Variants in ROBO2 observed in about 807,000 individuals in gnomAD.
The protein encoded by ROBO2 is roundabout guidance receptor 2.
In ROBO2, 53 loss-of-function variants were observed where a neutral mutation model predicts 160.8. The observed-to-expected ratio is 0.33, with a 90% CI of 0.26 to 0.41. The LOEUF (loss-of-function observed/expected upper bound fraction) is 0.41. ROBO2 is among the 10% of genes least tolerant of loss of function. The pLI is 1.00. For synonymous variants in ROBO2, 664 were observed against 611.7 expected, an observed-to-expected ratio of 1.09 and a Z score of -1.26; for missense variants, 1,577 against 1,722.4, an observed-to-expected ratio of 0.92 and a Z score of 1.49.
At chr3:77,289,591 A>C (rs1487851653) in intron 2 of ROBO2, among the ~76,000 whole-genome samples, 1 of 150,948 alleles carries the variant, frequency 6.6e-6, no homozygotes, top group Non-Finnish European at 1.5e-5. Context: ...TAGATCACCA[A>C]AGACATAAAG....
chr3:76,858,797 T>C (rs2070422801), intron 2 of ROBO2, among the ~76,000 whole-genome samples: 1 of 152,084 alleles, frequency 6.6e-6, no homozygotes, highest in South Asian at 2.1e-4. Flanking sequence ...ATAGTTCAGG[T>C]GTAGGGTGAG....
intron 2 of ROBO2, among the ~76,000 whole-genome samples, chr3:76,978,072 T>TATG (rs1392621120): frequency 2.0e-5 from 3 of 152,222 alleles, no homozygotes; most frequent in African/African-American, 4.8e-5. Context: ...CTGCATTATA[T>TATG]ATGTCCCTGA....
At chr3:76,353,360 G>T (rs1302834281) in intron 2 of ROBO2, among the ~76,000 whole-genome samples, 2 of 151,892 alleles carry the variant, frequency 1.3e-5, no homozygotes, top group African/African-American at 4.8e-5. Context: ...AATAACGAAG[G>T]AGAAACTTGA....
chr3:77,146,825 G>A (rs2077155331), intron 2 of ROBO2, among the ~76,000 whole-genome samples: 1 of 152,116 alleles, frequency 6.6e-6, no homozygotes, highest in African/African-American at 2.4e-5. Flanking sequence ...AAAATTAGCC[G>A]GGTGTGGTGG....
intron 2 of ROBO2, among the ~76,000 whole-genome samples, chr3:76,995,227 G>T (rs1198125152): frequency 6.6e-6 from 1 of 150,712 alleles, no homozygotes; most frequent in Non-Finnish European, 1.5e-5. Flanking sequence ...GTGATAGTTT[G>T]CTGAGAATGA....
At chr3:76,820,425 A>G (rs1197706110) in intron 2 of ROBO2, among the ~76,000 whole-genome samples, 1 of 152,054 alleles carries the variant, frequency 6.6e-6, no homozygotes, top group Non-Finnish European at 1.5e-5. Flanking sequence ...TTGTTCTCCT[A>G]TAAATTGCAT....
chr3:76,458,823 G>A (rs538676917), intron 2 of ROBO2, among the ~76,000 whole-genome samples: 1 of 152,264 alleles, frequency 6.6e-6, no homozygotes, highest in South Asian at 2.1e-4. Flanking sequence ...CAGATCTCAT[G>A]AGACTTATTC....
chr3:77,527,926 T>C (rs2091320146), intron 6 of ROBO2, among the ~76,000 whole-genome samples: 1 of 151,596 alleles, frequency 6.6e-6, no homozygotes, highest in Non-Finnish European at 1.5e-5. Context: ...TTAAGTAAAA[T>C]GTTTTAAGTA....
At chr3:76,811,740 T>G (rs1480756015) in intron 2 of ROBO2, among the ~76,000 whole-genome samples, 1 of 152,012 alleles carries the variant, frequency 6.6e-6, no homozygotes, top group African/African-American at 2.4e-5. Flanking sequence ...AGACTGCTTG[T>G]CTGGCTTTTT....
chr3:76,523,627 C>T (rs1311374190), intron 2 of ROBO2, among the ~76,000 whole-genome samples: 1 of 152,082 alleles, frequency 6.6e-6, no homozygotes, highest in African/African-American at 2.4e-5. Flanking sequence ...GTACAGCTTC[C>T]ACATTCTCTC....
upstream of ROBO2, among the ~76,000 whole-genome samples, chr3:77,035,594 T>A (rs2063585142): frequency 6.6e-6 from 1 of 151,924 alleles, no homozygotes; most frequent in African/African-American, 2.4e-5. Flanking sequence ...ATACCAAAAA[T>A]GCTATTCATA....
intron 1 of ROBO2, among the ~76,000 whole-genome samples, chr3:77,065,834 T>C (rs75287132): frequency 2.9e-3 from 440 of 152,252 alleles, no homozygotes; most frequent in African/African-American, 0.01. Context: ...GAGTTCAAAT[T>C]AAGCCTCAGT....
chr3:77,070,216 G>A (rs555808768), intron 1 of ROBO2, among the ~76,000 whole-genome samples: 2 of 152,148 alleles, frequency 1.3e-5, no homozygotes, highest in African/African-American at 2.4e-5. Context: ...TTTGGACTTC[G>A]TAGCCTCCAG....
intron 2 of ROBO2, among the ~76,000 whole-genome samples, chr3:76,675,464 A>G (rs2092383670): frequency 6.6e-6 from 1 of 152,178 alleles, no homozygotes; most frequent in African/African-American, 2.4e-5. Context: ...ACAAATGCAT[A>G]TGGCATTTTA....
At chr3:77,126,991 A>T (rs923470845) in intron 2 of ROBO2, among the ~76,000 whole-genome samples, 1 of 151,388 alleles carries the variant, frequency 6.6e-6, no homozygotes, top group South Asian at 2.1e-4. Flanking sequence ...GGGTTTCACC[A>T]TGTTAGCCAG....
At chr3:76,340,997 G>T (rs902973604) in intron 2 of ROBO2, among the ~76,000 whole-genome samples, 2 of 152,086 alleles carry the variant, frequency 1.3e-5, no homozygotes, top group Non-Finnish European at 2.9e-5. Flanking sequence ...TCTTGTAGGA[G>T]TGTTCTGTCT....
chr3:76,052,147 A>G (rs908275287), intron 2 of ROBO2, among the ~76,000 whole-genome samples: 1 of 152,152 alleles, frequency 6.6e-6, no homozygotes, highest in African/African-American at 2.4e-5. Context: ...CATGTTAAGA[A>G]CTACAGCAGT....
intron 2 of ROBO2, among the ~76,000 whole-genome samples, chr3:76,902,539 C>A (rs1433973791): frequency 1.3e-5 from 2 of 151,968 alleles, no homozygotes; most frequent in Admixed American, 6.6e-5. Flanking sequence ...TATCTCAAAA[C>A]ATACTTTGCT....
intron 2 of ROBO2, among the ~76,000 whole-genome samples, chr3:76,024,858 T>G (rs1172787355): frequency 1.3e-5 from 2 of 151,366 alleles, no homozygotes; most frequent in African/African-American, 4.8e-5. Context: ...ACTCTTTCAT[T>G]TTGCTTTCAG....
Sources: allele counts gnomAD v4.1 joint callset (sites outside exome capture counted in the v4.1 genomes callset), GRCh38; gene constraint gnomAD v4.1.1; transcripts MANE v1.5; gene names NCBI Gene and HGNC (gene_info 2026-07-23, HGNC 2026-07-21).